LGR6: variants seen among roughly 807,000 people sequenced by gnomAD.
LGR6 encodes the protein leucine rich repeat containing G protein-coupled receptor 6.
In LGR6, 45 loss-of-function variants were observed where a neutral mutation model predicts 69.4. The ratio of observed to expected loss-of-function variants is 0.65; its 90% CI spans 0.51 to 0.83. The LOEUF is 0.83. Among genes scored for constraint, LGR6 ranks in the 40% least tolerant of loss-of-function variants. The probability of loss-of-function intolerance (pLI) is 0.00; values close to 1 mark genes in which losing one functional copy is unlikely to be tolerated. For missense variants in LGR6, 1,108 were observed against 1,246.7 expected (o/e 0.89, Z 1.68); for synonymous variants, 538 against 555.0 (o/e 0.97, Z 0.43).
intron 1 of LGR6, among the ~76,000 whole-genome samples, chr1:202,208,161 T>A (rs1375304062): frequency 6.6e-6 from 1 of 152,084 alleles, no homozygotes; most frequent in African/African-American, 2.4e-5. Context: ...TCCAATTTCG[T>A]CGCAACCCTC....
chr1:202,315,488 T>C (rs1032117877), intron 17 of LGR6, among the ~76,000 whole-genome samples: 2 of 152,262 alleles, frequency 1.3e-5, no homozygotes, highest in Non-Finnish European at 2.9e-5. Flanking sequence ...TTCTCTTTGG[T>C]GCAATTCAAC....
At chr1:202,205,540 C>T (rs1481257949) in intron 1 of LGR6, among the ~76,000 whole-genome samples, 7 of 136,510 alleles carry the variant, frequency 5.1e-5, no homozygotes, top group African/African-American at 1.9e-4. Flanking sequence ...CACACACACA[C>T]CTCCAAACAC....
At chr1:202,206,018 G>A (rs1404287638) in intron 1 of LGR6, among the ~76,000 whole-genome samples, 1 of 127,132 alleles carries the variant, frequency 7.9e-6, no homozygotes, top group East Asian at 2.6e-4. Context: ...CCTGCAGGGG[G>A]CGCTCAGGAC....
intron 1 of LGR6, among the ~76,000 whole-genome samples, chr1:202,218,934 T>G (rs1162331680): frequency 6.6e-6 from 1 of 152,174 alleles, no homozygotes. Context: ...GTCAACTCCT[T>G]GATGGCCCAG....
intron 9 of LGR6, among the ~76,000 whole-genome samples, chr1:202,301,649 C>A (rs1267586084): frequency 6.6e-6 from 1 of 152,200 alleles, no homozygotes; most frequent in African/African-American, 2.4e-5. Context: ...ATCGTTATCA[C>A]CCTTGGCCTG....
chr1:202,222,326 G>A (rs1660213603), intron 1 of LGR6, among the ~76,000 whole-genome samples: 1 of 152,190 alleles, frequency 6.6e-6, no homozygotes, highest in South Asian at 2.1e-4. Context: ...TTTTGGGGCA[G>A]GATGTGGGGG....
intron 4 of LGR6, among the ~76,000 whole-genome samples, chr1:202,273,679 A>G (rs1322863333): frequency 6.6e-6 from 1 of 150,752 alleles, no homozygotes; most frequent in Non-Finnish European, 1.5e-5. Context: ...CTGGTCTCGA[A>G]CTCCGACATC....
Position 202,225,509 on chromosome 1 carries a change from T to C in LGR6, c.284+15T>C. The C allele has an allele frequency of 6.2e-7, 1 of 1,610,608 alleles. No homozygotes were observed. Among genetic ancestry groups the C allele is most frequent in the Non-Finnish European group, 8.5e-7 (1 of 1,176,920 alleles). ...TTGGAGGAGCTGTGAGTAGATGCTT[T>C]GCAGGGTGGGAGGCAAGCATGGGCT... On this transcript the variant is annotated intron_variant, in intron 2 of 17. Transcript: ENST00000367278.
chr1:202,230,703 C>G (rs970457687), intron 3 of LGR6, among the ~76,000 whole-genome samples: 22 of 152,206 alleles, frequency 1.4e-4, no homozygotes, highest in African/African-American at 5.3e-4. Flanking sequence ...TGTCTCGTCT[C>G]CATCACAGGT....
intron 4 of LGR6, among the ~76,000 whole-genome samples, chr1:202,236,597 T>C (rs1308344229): frequency 6.6e-6 from 1 of 152,136 alleles, no homozygotes; most frequent in African/African-American, 2.4e-5. Flanking sequence ...TCCAGGGTGA[T>C]GTAACCCAGC....
intron 4 of LGR6, among the ~76,000 whole-genome samples, chr1:202,260,102 G>A (rs1056338803): frequency 2.0e-5 from 3 of 152,206 alleles, no homozygotes; most frequent in Admixed American, 6.5e-5. Context: ...CGGCTGGAGT[G>A]TAGTGTCTTG....
intron 6 of LGR6, among the ~76,000 whole-genome samples, chr1:202,293,350 A>G (rs1214246878): frequency 2.0e-5 from 3 of 152,192 alleles, no homozygotes; most frequent in Admixed American, 6.5e-5. Flanking sequence ...TTGCTGTTCT[A>G]TGACACATGT....
At chr1:202,262,490 A>G (rs1446070552) in intron 4 of LGR6, among the ~76,000 whole-genome samples, 8 of 152,206 alleles carry the variant, frequency 5.3e-5, no homozygotes, top group African/African-American at 1.7e-4. Flanking sequence ...TGGTTACTGT[A>G]GCCTTGTAGT....
chr1:202,244,420 A>G (rs1662477558), intron 4 of LGR6, among the ~76,000 whole-genome samples: 1 of 152,200 alleles, frequency 6.6e-6, no homozygotes, highest in Non-Finnish European at 1.5e-5. Flanking sequence ...ATTCACTCAT[A>G]GTTCTGAGGC....
chr1:202,203,613 C>T, intron 1 of LGR6: 1 of 573,096 alleles, frequency 1.7e-6, no homozygotes, highest in Admixed American at 3.0e-5. Flanking sequence ...GCCCTCTTTC[C>T]TCTCCCCTGG....
chr1:202,245,039 C>T lies in LGR6; in HGVS notation c.428+9046C>T, dbSNP rs138311959. ...GCCGTCTGCTGTGGAAAAGCCTCCC[C>T]GCCAAAATCTGCCTGCAAGCTGTGC... On this transcript the variant is annotated intron_variant, in intron 4 of 17. Coordinates refer to ENST00000367278, the MANE Select transcript of LGR6 (RefSeq NM_001017403.2). Among the ~76,000 whole-genome samples the T allele has an allele frequency of 2.2e-3, 337 of 152,266 alleles. 3 individuals are homozygous for T. The East Asian group carries it at 0.028, about 13-fold the overall frequency.
intron 4 of LGR6, among the ~76,000 whole-genome samples, chr1:202,238,267 G>C (rs116495236): frequency 9.3e-4 from 141 of 151,646 alleles, no homozygotes; most frequent in African/African-American, 3.0e-3. Flanking sequence ...ACTAATTTTT[G>C]TATTTTTTTG....
chr1:202,286,890 G>A (rs192011656), intron 6 of LGR6, among the ~76,000 whole-genome samples: 1 of 152,136 alleles, frequency 6.6e-6, no homozygotes, highest in Non-Finnish European at 1.5e-5. Flanking sequence ...GCCCTGGTGT[G>A]GGGGGTAGCC....
chr1:202,205,853 C>CAA (rs1385818028), intron 1 of LGR6, among the ~76,000 whole-genome samples: 2 of 148,976 alleles, frequency 1.3e-5, no homozygotes, highest in Admixed American at 1.3e-4. Flanking sequence ...CCTTCAAACA[C>CAA]ACACCTCCTT....
Sources: gnomAD v4.1 joint callset for allele counts (sites outside exome capture counted in the v4.1 genomes callset) on GRCh38, gnomAD v4.1.1 for gene constraint, MANE v1.5 for transcripts, NCBI Gene and HGNC (gene_info 2026-07-23, HGNC 2026-07-21) for gene names.